The following RNF24 variants were observed in gnomAD, a reference collection of about 807,000 sequenced individuals.
The protein encoded by RNF24 is ring finger protein 24.
RNF24 carries 14 observed loss-of-function variants against 20.0 expected under a neutral mutation model. The ratio of observed to expected loss-of-function variants is 0.70; its 90% confidence interval spans 0.46 to 1.10. RNF24 has a LOEUF of 1.10. Ranked by LOEUF, RNF24 falls within the 50% of genes least tolerant of loss-of-function variation. RNF24 has a pLI of 0.00. For missense variants in RNF24, 124 were observed against 177.6 expected (o/e 0.70, Z 1.71); for synonymous variants, 45 against 61.1 (o/e 0.74, Z 1.23).
chr20:3,995,126 C>T (rs1274955055), intron 1 of RNF24, among the ~76,000 whole-genome samples: 10 of 152,200 alleles, frequency 6.6e-5, no homozygotes, highest in African/African-American at 2.2e-4. Context: ...AGTTTAGCCA[C>T]GCCCCACCAC....
intron 1 of RNF24, among the ~76,000 whole-genome samples, chr20:3,978,247 A>T (rs1397002914): frequency 1.3e-5 from 2 of 152,036 alleles, no homozygotes; most frequent in African/African-American, 2.4e-5. Context: ...CCTGTTGGCC[A>T]GGCCGGTCTT....
rs1271077981 is a variant in RNF24, at chr20:4,008,693, C to T, written c.-8+6744G>A. On this transcript the variant is annotated intron_variant, in intron 1 of 5. Transcript: ENST00000358395. ...TCCCGAGTAACTGGGATTACAGGCA[C>T]CCGCCACCACACCCGGCTAATTTGT... Among the ~76,000 whole-genome samples the T allele has an allele frequency of 2.7e-5, 4 of 149,660 alleles. No homozygotes were observed. In the East Asian group the frequency reaches 7.9e-4, roughly 29 times the overall value.
chr20:3,983,707 G>A (rs1054216763), intron 1 of RNF24, among the ~76,000 whole-genome samples: 20 of 151,936 alleles, frequency 1.3e-4, no homozygotes, highest in African/African-American at 4.3e-4. Flanking sequence ...TTGGGAGGCC[G>A]AGGCGGGCAG....
intron 2 of RNF24, among the ~76,000 whole-genome samples, chr20:3,955,647 T>A (rs2091133749): frequency 6.6e-6 from 1 of 152,210 alleles, no homozygotes; most frequent in African/African-American, 2.4e-5. Flanking sequence ...GATTGCTTTT[T>A]CTATTTCTGT....
chr20:3,961,598 T>G (rs1431206334), intron 2 of RNF24, among the ~76,000 whole-genome samples: 1 of 152,158 alleles, frequency 6.6e-6, no homozygotes, highest in Admixed American at 6.5e-5. Flanking sequence ...AAAGGCTTAC[T>G]TAATTCTTTG....
chr20:3,942,664 G>A (rs1252321202), intron 4 of RNF24, among the ~76,000 whole-genome samples: 4 of 151,940 alleles, frequency 2.6e-5, no homozygotes, highest in African/African-American at 4.8e-5. Context: ...TAGTAGAGAC[G>A]GGGTTTCACC....
chr20:3,931,276 C>T lies in RNF24; in HGVS notation c.*2787G>A, dbSNP rs1319852484. On this transcript the variant is annotated 3_prime_UTR_variant, in exon 6 of 6. Coordinates refer to ENST00000358395, the MANE Select transcript of RNF24 (RefSeq NM_001134337.3). ...CCAAGAGCAGACCAGAATCCCCACG[C>T]AGCTACACAGTAACAAGTCCCAGCA... is the stretch of plus-strand genomic sequence containing the variant. The T allele has an allele frequency of 6.6e-6, 1 of 152,174 alleles. No homozygotes were observed. Among genetic ancestry groups the T allele is most frequent in the Non-Finnish European group, 1.5e-5 (1 of 68,044 alleles). The allele number at this position is 152,174 out of a possible 1,614,324, so 9.4% of individuals were successfully genotyped here.
At chr20:4,007,907 A>ACT (rs1202558147) in intron 1 of RNF24, among the ~76,000 whole-genome samples, 1 of 151,470 alleles carries the variant, frequency 6.6e-6, no homozygotes, top group East Asian at 1.9e-4. Flanking sequence ...ACAGAACAAG[A>ACT]CTCTCTCTCT....
intron 1 of RNF24, among the ~76,000 whole-genome samples, chr20:3,972,639 G>A (rs1978449302): frequency 6.6e-6 from 1 of 152,172 alleles, no homozygotes; most frequent in Non-Finnish European, 1.5e-5. Context: ...GGTGGCTAAC[G>A]CTTATAATCC....
At chr20:3,952,224 G>A (rs1227288410) in intron 2 of RNF24, among the ~76,000 whole-genome samples, 2 of 151,356 alleles carry the variant, frequency 1.3e-5, no homozygotes, top group Non-Finnish European at 2.9e-5. Flanking sequence ...AGGAAGAACT[G>A]ACATCTTTGC....
At chr20:3,996,712 T>C (rs1483937350) in intron 1 of RNF24, among the ~76,000 whole-genome samples, 1 of 152,214 alleles carries the variant, frequency 6.6e-6, no homozygotes, top group Non-Finnish European at 1.5e-5. Context: ...CTGGGAATCA[T>C]GCTTAACAGA....
At chr20:3,959,571 T>G (rs1264543924) in intron 2 of RNF24, among the ~76,000 whole-genome samples, 1 of 152,252 alleles carries the variant, frequency 6.6e-6, no homozygotes, top group Non-Finnish European at 1.5e-5. Context: ...TCAGGGTAAC[T>G]GGGGTATGCA....
At chr20:3,950,419 T>A in intron 2 of RNF24, among the ~76,000 whole-genome samples, 1 of 152,106 alleles carries the variant, frequency 6.6e-6, no homozygotes, top group East Asian at 1.9e-4. Flanking sequence ...ATGCCAAGGC[T>A]TTCTGGTACT....
chr20:3,977,452 T>C (rs1600681485), intron 1 of RNF24, among the ~76,000 whole-genome samples: 1 of 151,762 alleles, frequency 6.6e-6, no homozygotes, highest in South Asian at 2.1e-4. Flanking sequence ...CAGCAAAATA[T>C]AGGGTAAAAA....
Position 3,981,801 on chromosome 20 carries a change from T to C in RNF24, c.-7-17777A>G, listed in dbSNP as rs143881946. On this transcript the variant is annotated intron_variant, in intron 1 of 5. Coordinates refer to ENST00000358395, the MANE Select transcript of RNF24 (RefSeq NM_001134337.3). Reference sequence around the variant, plus strand: ...TTCAAGGCTATTCTTACATAATCTTTTTTTCAGCTAAACCAGTCTTTAAAA... The same window carrying C: ...TTCAAGGCTATTCTTACATAATCTTCTTTTCAGCTAAACCAGTCTTTAAAA... 1.6e-4 allele frequency among the ~76,000 whole-genome samples: 24 copies of C among 152,344 alleles called. No homozygotes were observed. In the East Asian group the frequency reaches 4.6e-3, roughly 29 times the overall value.
At chr20:3,949,978 A>AGGGGTCCAGAC (rs112601333) in intron 2 of RNF24, among the ~76,000 whole-genome samples, 47,192 of 151,936 alleles carry the variant, frequency 0.31, 8,025 homozygotes, top group African/African-American at 0.46. Context: ...GCTGTGAGGT[A>AGGGGTCCAGAC]GCTTTTTATC....
intron 1 of RNF24, among the ~76,000 whole-genome samples, chr20:3,967,766 C>A (rs372397152): frequency 1.3e-5 from 2 of 149,222 alleles, no homozygotes; most frequent in Admixed American, 1.3e-4. Flanking sequence ...GAGGCTGAGG[C>A]GGGCAGATCA....
At chr20:3,992,224 T>C (rs557520361) in intron 1 of RNF24, among the ~76,000 whole-genome samples, 2 of 152,364 alleles carry the variant, frequency 1.3e-5, no homozygotes, top group Admixed American at 6.5e-5. Context: ...AAATCTTCCA[T>C]GTCTTTGATC....
chr20:3,963,874 C>A lies in RNF24; in HGVS notation c.143+1G>T. 2 of 1,562,646 alleles carry A rather than the reference C, an allele frequency of 1.3e-6. No individual in the cohort carries two copies. The highest frequency in any genetic ancestry group is 1.7e-6 in the Non-Finnish European group (2 of 1,151,060). ...AGTAACATAGAATGAAAATTGGTTA[C>A]CTAATCAAGTAGCAACAGAAGAGTA... On this transcript the variant is annotated splice_donor_variant, in intron 2 of 5. Transcript: ENST00000358395. LOFTEE classifies it high-confidence loss of function.
Sources: gnomAD v4.1 joint callset for allele counts (sites outside exome capture counted in the v4.1 genomes callset) on GRCh38, gnomAD v4.1.1 for gene constraint, MANE v1.5 for transcripts, NCBI Gene and HGNC (gene_info 2026-07-23, HGNC 2026-07-21) for gene names.